NOSTRIN: variants seen among roughly 807,000 people sequenced by gnomAD.
NOSTRIN encodes BM247 homolog.
A neutral mutation model predicts 59.0 loss-of-function variants in NOSTRIN; 63 were observed. The ratio of observed to expected loss-of-function variants is 1.07; its 90% confidence interval spans 0.87 to 1.32. The LOEUF (loss-of-function observed/expected upper bound fraction) is 1.32. Among genes scored for constraint, NOSTRIN ranks in the 40% most tolerant of loss-of-function variants. NOSTRIN has a pLI of 0.00. For missense variants in NOSTRIN, 512 were observed against 473.1 expected (o/e 1.08, Z -0.76); for synonymous variants, 200 against 165.4 (o/e 1.21, Z -1.61).
At chr2:168,845,790 C>CTTCTTTTTTTTTT (rs36186706) in intron 8 of NOSTRIN, among the ~76,000 whole-genome samples, 1 of 140,628 alleles carries the variant, frequency 7.1e-6, no homozygotes. Context: ...TTTTTTCTTC[C>CTTCTTTTTTTTTT]TTTTTTTTTT....
intron 3 of NOSTRIN, 148 bp from the exon 4 acceptor site, chr2:168,828,010 T>A: frequency 1.5e-6 from 1 of 658,734 alleles, no homozygotes; most frequent in East Asian, 2.7e-5. Context: ...CAGAATGTAA[T>A]CTCATAGAGA....
In NOSTRIN at chr2:168,864,958, T is replaced by A; in HGVS notation, c.1509T>A (p.Ala503=). The change falls in exon 16 of 16, where the codon GCT becomes GCA. Residue 503 remains alanine (A), a synonymous_variant. Transcript: ENST00000317647. The part of the protein sequence containing the change: ...EELPSNAGNT[A]TKA ...TACCTTCAAATGCTGGCAACACAGC[T>A]ACAAAGGCATAAAACAAGACTCTGA... 1.2e-6 allele frequency: 2 copies of A among 1,614,010 alleles called. No individual in the cohort carries two copies. The highest frequency in any genetic ancestry group is 2.2e-5 in the East Asian group (1 of 44,872).
At chr2:168,800,626 G>A (rs988815185), upstream of NOSTRIN, among the ~76,000 whole-genome samples, 8 of 152,126 alleles carry the variant, frequency 5.3e-5, no homozygotes, top group Non-Finnish European at 1.2e-4. Context: ...TCTATAATTC[G>A]TATACAAAGA....
chr2:168,790,021 C>G (rs1685307595), intron 2 of NOSTRIN, among the ~76,000 whole-genome samples: 1 of 152,200 alleles, frequency 6.6e-6, no homozygotes, highest in South Asian at 2.1e-4. Flanking sequence ...TCCTAACAGG[C>G]CCCCAGCCAG....
At chr2:168,864,590 T>G (rs1689735994) in intron 15 of NOSTRIN, among the ~76,000 whole-genome samples, 1 of 152,206 alleles carries the variant, frequency 6.6e-6, no homozygotes, top group African/African-American at 2.4e-5. Context: ...CAGCCAATCC[T>G]GTCTTTAAGC....
At chr2:168,834,498 C>T (rs1326581683) in intron 7 of NOSTRIN, among the ~76,000 whole-genome samples, 173 bp downstream of exon 7, 5 of 102,050 alleles carry the variant, frequency 4.9e-5, no homozygotes, top group East Asian at 3.4e-4. Context: ...CGTGCGCGCG[C>T]GCGCGCGCGC....
At chr2:168,841,585 T>C (rs776383262) in intron 7 of NOSTRIN, among the ~76,000 whole-genome samples, 24 of 152,196 alleles carry the variant, frequency 1.6e-4, no homozygotes, top group Non-Finnish European at 3.4e-4. Context: ...GGCATGTATC[T>C]CAGGCTTTTC....
At chr2:168,837,562 G>A (rs1400312151) in intron 7 of NOSTRIN, among the ~76,000 whole-genome samples, 8 of 152,008 alleles carry the variant, frequency 5.3e-5, no homozygotes, top group Middle Eastern at 3.2e-3. Flanking sequence ...GCCCGCCTCG[G>A]CCTCCCAAAG....
chr2:168,825,745 T>C lies in NOSTRIN; in HGVS notation c.197+1028T>C, dbSNP rs151013863. ...ATTTGCTACAAAGATTCTTGACTAA[T>C]GCATGCAGACGTGCCCTTGAACTGA... is the stretch of plus-strand genomic sequence containing the variant. On this transcript the variant is annotated intron_variant, in intron 3 of 15. Transcript: ENST00000317647. Among the ~76,000 whole-genome samples the C allele has an allele frequency of 3.2e-3, 481 of 152,328 alleles. 1 individual carries two copies. Among genetic ancestry groups the C allele is most frequent in the African/African-American group, 0.011 (456 of 41,562 alleles).
Position 168,862,180 on chromosome 2 carries a change from A to T in NOSTRIN, c.1384+131A>T, listed in dbSNP as rs1047257522. 14 of 733,728 alleles carry T rather than the reference A, an allele frequency of 1.9e-5. No individual in the cohort carries two copies. The South Asian group carries it at 2.5e-4, about 13-fold the overall frequency. 45.5% of individuals were successfully genotyped at this position (733,728 alleles called of 1,614,324 possible). A position where few individuals can be genotyped will look rare whatever the true frequency, so the allele number is the denominator to read the frequency against. ...AATCAGTTCACCCTTCTTGAAAGAT[A>T]AGCACATCTAAAACAAAAGCTCGCA... On this transcript the variant is annotated intron_variant, in intron 15 of 15. Coordinates refer to ENST00000317647, the MANE Select transcript of NOSTRIN (RefSeq NM_001039724.4).
chr2:168,839,032 G>A (rs1407012473), intron 7 of NOSTRIN, among the ~76,000 whole-genome samples: 8 of 151,956 alleles, frequency 5.3e-5, no homozygotes, highest in African/African-American at 1.2e-4. Context: ...TGATCTGCCC[G>A]ACTTGGCCTC....
intron 15 of NOSTRIN, among the ~76,000 whole-genome samples, 157 bp from the exon 16 acceptor site, chr2:168,864,677 A>G (rs1689742581): frequency 6.6e-6 from 1 of 152,200 alleles, no homozygotes. Flanking sequence ...TGCTTTATAC[A>G]CAGGTGTTCG....
At chr2:168,838,431 G>A (rs1383763027) in intron 7 of NOSTRIN, among the ~76,000 whole-genome samples, 7 of 152,136 alleles carry the variant, frequency 4.6e-5, no homozygotes, top group Non-Finnish European at 8.8e-5. Context: ...GTAGAGATGG[G>A]GTTTTGCCAT....
At chr2:168,838,673 A>G (rs531927775) in intron 7 of NOSTRIN, among the ~76,000 whole-genome samples, 1 of 152,090 alleles carries the variant, frequency 6.6e-6, no homozygotes, top group Non-Finnish European at 1.5e-5. Flanking sequence ...GCCTGTTCCT[A>G]TCTATTCCCC....
chr2:168,840,029 G>T (rs1222953164), intron 7 of NOSTRIN, among the ~76,000 whole-genome samples: 2 of 151,454 alleles, frequency 1.3e-5, no homozygotes, highest in African/African-American at 4.9e-5. Flanking sequence ...GCTCTATAGT[G>T]CAGGCTGATG....
chr2:168,815,741 G>A (rs1686362515), intron 2 of NOSTRIN, among the ~76,000 whole-genome samples: 1 of 152,108 alleles, frequency 6.6e-6, no homozygotes, highest in Admixed American at 6.5e-5. Flanking sequence ...TGCAGTACTA[G>A]GAACATGTCT....
At position 168,855,221 on chromosome 2, in the gene NOSTRIN, A is replaced by T; in HGVS notation, c.856-131A>T. ...AACAATGTGTGTAAAACTAAAGATT[A>T]TCCTGCTTAAAAATTTTGTTTTATT... On this transcript the variant is annotated intron_variant, in intron 10 of 15. Coordinates refer to ENST00000317647, the MANE Select transcript of NOSTRIN (RefSeq NM_001039724.4). 1.4e-5 allele frequency: 7 copies of T among 516,080 alleles called. 1 individual carries two copies. In the South Asian group the frequency reaches 2.6e-4, roughly 19 times the overall value. 32.0% of individuals were successfully genotyped at this position (516,080 alleles called of 1,614,324 possible).
chr2:168,790,890 G>A (rs916364668), intron 2 of NOSTRIN, among the ~76,000 whole-genome samples: 9 of 152,104 alleles, frequency 5.9e-5, no homozygotes, highest in African/African-American at 2.2e-4. Flanking sequence ...GCATTAGATT[G>A]GCAACTTATT....
At chr2:168,819,900 A>G (rs543443462) in intron 2 of NOSTRIN, among the ~76,000 whole-genome samples, 2 of 152,068 alleles carry the variant, frequency 1.3e-5, no homozygotes, top group South Asian at 4.2e-4. Context: ...GACCCTCAAC[A>G]TCCCCACTCC....
Sources: allele counts gnomAD v4.1 joint callset (sites outside exome capture counted in the v4.1 genomes callset), GRCh38; gene constraint gnomAD v4.1.1; transcripts MANE v1.5; gene names NCBI Gene and HGNC (gene_info 2026-07-23, HGNC 2026-07-21).